The following RBFOX1 variants were observed in gnomAD, a reference collection of about 807,000 sequenced individuals.
RBFOX1 encodes the protein RNA binding protein fox-1 homolog 1.
A neutral mutation model predicts 57.7 loss-of-function variants in RBFOX1; 8 were observed. That is an observed-to-expected ratio of 0.14 (90% CI 0.08 to 0.25). The LOEUF is 0.25. Among genes scored for constraint, RBFOX1 ranks in the 10% least tolerant of loss-of-function variants. The pLI, the probability that RBFOX1 is intolerant of heterozygous loss-of-function variation, is 1.00. For missense variants in RBFOX1, 611 were observed against 548.5 expected (o/e 1.11, Z -1.14); for synonymous variants, 326 against 222.4 (o/e 1.47, Z -4.15).
chr16:6,141,993 A>G (rs2096719651), intron 1 of RBFOX1, among the ~76,000 whole-genome samples: 1 of 151,372 alleles, frequency 6.6e-6, no homozygotes, highest in African/African-American at 2.4e-5. Context: ...TGGGAGGTGG[A>G]GGTTGCAGTG....
chr16:7,062,637 C>T (rs1046561563), intron 4 of RBFOX1, among the ~76,000 whole-genome samples: 1 of 152,132 alleles, frequency 6.6e-6, no homozygotes, highest in Non-Finnish European at 1.5e-5. Flanking sequence ...GTGGATATGG[C>T]CAAGGCAGGA....
At chr16:5,423,300 G>C (rs2067411231) in intron 1 of RBFOX1, among the ~76,000 whole-genome samples, 1 of 152,044 alleles carries the variant, frequency 6.6e-6, no homozygotes, top group Non-Finnish European at 1.5e-5. Flanking sequence ...CTAAACCACA[G>C]ACCCTGTTCA....
At chr16:6,153,732 C>T (rs1186747806) in intron 1 of RBFOX1, among the ~76,000 whole-genome samples, 3 of 152,066 alleles carry the variant, frequency 2.0e-5, no homozygotes, top group Admixed American at 2.0e-4. Context: ...GACAGGGTTT[C>T]ACCATGTTGG....
intron 4 of RBFOX1, among the ~76,000 whole-genome samples, chr16:6,004,205 T>C (rs765628154): frequency 1.3e-5 from 2 of 152,224 alleles, no homozygotes; most frequent in African/African-American, 4.8e-5. Flanking sequence ...AATAAAATTT[T>C]TTTTAAAGAA....
At chr16:6,829,169 A>G (rs1255098168) in intron 3 of RBFOX1, among the ~76,000 whole-genome samples, 2 of 152,126 alleles carry the variant, frequency 1.3e-5, no homozygotes, top group African/African-American at 4.8e-5. Flanking sequence ...AGAAGTTTCA[A>G]GAAACCAAAG....
At chr16:5,815,137 G>T (rs867384061) in intron 3 of RBFOX1, among the ~76,000 whole-genome samples, 13 of 149,564 alleles carry the variant, frequency 8.7e-5, no homozygotes, top group South Asian at 2.2e-4. Context: ...GCATCACCAG[G>T]CCTGGCTAAT....
intron 4 of RBFOX1, among the ~76,000 whole-genome samples, chr16:7,180,654 T>TG (rs1264858868): frequency 6.6e-6 from 1 of 151,448 alleles, no homozygotes; most frequent in Non-Finnish European, 1.5e-5. Context: ...AAGATTTACT[T>TG]GGGGAAAATT....
intron 2 of RBFOX1, among the ~76,000 whole-genome samples, chr16:6,477,015 T>C (rs2095283877): frequency 6.6e-6 from 1 of 152,256 alleles, no homozygotes; most frequent in Admixed American, 6.5e-5. Flanking sequence ...TATCACGAGA[T>C]TGCAGCAATG....
intron 1 of RBFOX1, among the ~76,000 whole-genome samples, chr16:6,182,968 T>C (rs895350141): frequency 6.6e-6 from 1 of 152,188 alleles, no homozygotes; most frequent in Non-Finnish European, 1.5e-5. Context: ...GGGCGAAGGA[T>C]GAAAAGAAAC....
chr16:6,115,076 C>T (rs1358753456), intron 1 of RBFOX1, among the ~76,000 whole-genome samples: 1 of 151,856 alleles, frequency 6.6e-6, no homozygotes, highest in East Asian at 1.9e-4. Context: ...CAGGTGATTG[C>T]CATGGCATTT....
chr16:7,204,683 G>T (rs1298206942), intron 4 of RBFOX1, among the ~76,000 whole-genome samples: 1 of 152,098 alleles, frequency 6.6e-6, no homozygotes, highest in Non-Finnish European at 1.5e-5. Context: ...ACTGTTCTAA[G>T]ACATCAGGGA....
chr16:7,459,337 A>G (rs1341199450), intron 4 of RBFOX1, among the ~76,000 whole-genome samples: 7 of 152,246 alleles, frequency 4.6e-5, no homozygotes, highest in Non-Finnish European at 1.0e-4. Context: ...CTCACTTGGC[A>G]TGGGCAATTG....
At chr16:5,611,752 A>T (rs1308599362) in intron 3 of RBFOX1, among the ~76,000 whole-genome samples, 5 of 131,104 alleles carry the variant, frequency 3.8e-5, no homozygotes, top group Non-Finnish European at 6.6e-5. Flanking sequence ...CCATCCATTC[A>T]CCCTTCTTTT....
chr16:7,584,560 G>A (rs1192326292), intron 6 of RBFOX1, among the ~76,000 whole-genome samples: 1 of 152,138 alleles, frequency 6.6e-6, no homozygotes, highest in Non-Finnish European at 1.5e-5. Context: ...CACAGTGCTG[G>A]GATTACAGGC....
intron 1 of RBFOX1, among the ~76,000 whole-genome samples, chr16:5,425,032 C>A (rs1424591163): frequency 7.2e-6 from 1 of 139,528 alleles, no homozygotes; most frequent in African/African-American, 2.7e-5. Context: ...TTCCTCCCTC[C>A]CTCCCTCTCT....
intron 2 of RBFOX1, among the ~76,000 whole-genome samples, chr16:5,510,526 C>T (rs1320764672): frequency 3.3e-5 from 5 of 152,044 alleles, no homozygotes; most frequent in African/African-American, 1.2e-4. Context: ...AGTCGCGTGG[C>T]TGAGTCCAGG....
chr16:6,916,496 T>C (rs1207290334), intron 3 of RBFOX1, among the ~76,000 whole-genome samples: 1 of 152,094 alleles, frequency 6.6e-6, no homozygotes, highest in Non-Finnish European at 1.5e-5. Flanking sequence ...TGTTTTTTTT[T>C]TTTTAATTGT....
chr16:6,128,083 C>G (rs2096603172), intron 1 of RBFOX1, among the ~76,000 whole-genome samples: 1 of 151,956 alleles, frequency 6.6e-6, no homozygotes, highest in South Asian at 2.1e-4. Flanking sequence ...TGAAATGTAG[C>G]TAGATGAAAT....
At chr16:6,102,283 CTTCT>C (rs2096321793) in intron 1 of RBFOX1, among the ~76,000 whole-genome samples, 1 of 150,622 alleles carries the variant, frequency 6.6e-6, no homozygotes, top group South Asian at 2.1e-4. Context: ...ACTATCTTTC[CTTCT>C]TAGAAAGAAT....
Sources: allele counts gnomAD v4.1 joint callset (sites outside exome capture counted in the v4.1 genomes callset), GRCh38; gene constraint gnomAD v4.1.1; transcripts MANE v1.5; gene names NCBI Gene and HGNC (gene_info 2026-07-23, HGNC 2026-07-21).